GUCY1A2: variants seen among roughly 807,000 people sequenced by gnomAD.
GUCY1A2 encodes guanylate cyclase 1 soluble subunit alpha 2.
A neutral mutation model predicts 63.5 loss-of-function variants in GUCY1A2; 27 were observed. The observed-to-expected ratio is 0.43, with a 90% CI of 0.31 to 0.59. The LOEUF (loss-of-function observed/expected upper bound fraction) is 0.59, where lower values mean the gene tolerates loss of function less well. Among genes scored for constraint, GUCY1A2 ranks in the 20% least tolerant of loss-of-function variants. The probability of loss-of-function intolerance (pLI) is 0.11; values close to 1 mark genes in which losing one functional copy is unlikely to be tolerated. For synonymous variants in GUCY1A2, 364 were observed against 343.5 expected (o/e 1.06, Z -0.66); for missense variants, 768 against 913.3 (o/e 0.84, Z 2.05).
At chr11:106,718,788 A>T (rs1162940196) in intron 6 of GUCY1A2, among the ~76,000 whole-genome samples, 1 of 152,182 alleles carries the variant, frequency 6.6e-6, no homozygotes, top group East Asian at 1.9e-4. Context: ...ATTTAACAAC[A>T]TAGTGACATA....
intron 4 of GUCY1A2, among the ~76,000 whole-genome samples, chr11:106,882,962 A>T (rs1859846467): frequency 1.3e-5 from 2 of 152,032 alleles, no homozygotes; most frequent in Admixed American, 6.6e-5. Flanking sequence ...AACACATGAA[A>T]ATTGAATTTT....
At chr11:106,967,923 A>G (rs1472050373) in intron 3 of GUCY1A2, among the ~76,000 whole-genome samples, 1 of 152,238 alleles carries the variant, frequency 6.6e-6, no homozygotes, top group African/African-American at 2.4e-5. Context: ...ATTCAGAAAT[A>G]GAACTAAAGT....
chr11:106,709,941 A>G (rs1591241352), intron 6 of GUCY1A2, among the ~76,000 whole-genome samples: 1 of 139,638 alleles, frequency 7.2e-6, no homozygotes, highest in Non-Finnish European at 1.5e-5. Flanking sequence ...TATTATATAC[A>G]TGTATATAAC....
chr11:106,795,288 G>A lies in GUCY1A2; in HGVS notation c.1692+14705C>T, dbSNP rs538265127. On this transcript the variant is annotated intron_variant, in intron 5 of 7. Transcript: ENST00000526355. ...GTCCTCATCTGGGCTCTCTCTGATC[G>A]TCAAAGGACCTTATATTAAGCAGAG... is the stretch of plus-strand genomic sequence containing the variant. Among the ~76,000 whole-genome samples, 4 of 152,128 alleles carry A rather than the reference G, an allele frequency of 2.6e-5. No individual in the cohort carries two copies. In the East Asian group the frequency reaches 5.8e-4, roughly 22 times the overall value.
chr11:106,714,661 C>G (rs1159422387), intron 6 of GUCY1A2, among the ~76,000 whole-genome samples: 1 of 152,194 alleles, frequency 6.6e-6, no homozygotes, highest in Non-Finnish European at 1.5e-5. Flanking sequence ...TTACTTTGCA[C>G]TAAACCAATG....
intron 4 of GUCY1A2, among the ~76,000 whole-genome samples, chr11:106,859,927 G>T (rs1450753766): frequency 6.6e-6 from 1 of 151,772 alleles, no homozygotes; most frequent in African/African-American, 2.4e-5. Flanking sequence ...GCACAATGAT[G>T]AAATCACCTA....
At chr11:106,729,228 G>T (rs1337863593) in intron 6 of GUCY1A2, among the ~76,000 whole-genome samples, 8 of 152,036 alleles carry the variant, frequency 5.3e-5, no homozygotes, top group Admixed American at 3.3e-4. Flanking sequence ...GAAGATATGG[G>T]GATTGAAGCT....
chr11:106,803,203 G>T (rs2135420125), intron 5 of GUCY1A2, among the ~76,000 whole-genome samples: 1 of 152,270 alleles, frequency 6.6e-6, no homozygotes, highest in African/African-American at 2.4e-5. Context: ...CAGTTTCATA[G>T]TATTGGTCAC....
At chr11:106,865,594 G>A (rs1365161812) in intron 4 of GUCY1A2, among the ~76,000 whole-genome samples, 3 of 151,906 alleles carry the variant, frequency 2.0e-5, no homozygotes, top group Non-Finnish European at 2.9e-5. Context: ...AGTGGGAGTT[G>A]AACAATAAGA....
intron 4 of GUCY1A2, among the ~76,000 whole-genome samples, chr11:106,906,960 A>G (rs77502340): frequency 0.012 from 1,872 of 152,256 alleles, 37 homozygotes; most frequent in African/African-American, 0.043. Context: ...GGGGAGGGAT[A>G]GCATTAGGAG....
At chr11:106,744,945 T>C (rs910995213) in intron 6 of GUCY1A2, among the ~76,000 whole-genome samples, 7 of 152,204 alleles carry the variant, frequency 4.6e-5, no homozygotes, top group Non-Finnish European at 1.0e-4. Flanking sequence ...TCATCAAATA[T>C]TTTGAATTTT....
intron 1 of GUCY1A2, among the ~76,000 whole-genome samples, chr11:107,002,637 A>T (rs1861625434): frequency 6.6e-6 from 1 of 152,184 alleles, no homozygotes; most frequent in Non-Finnish European, 1.5e-5. Context: ...AGTGGATTAT[A>T]CAAATGAAAT....
At chr11:106,743,808 C>T (rs1863738548) in intron 6 of GUCY1A2, among the ~76,000 whole-genome samples, 1 of 152,116 alleles carries the variant, frequency 6.6e-6, no homozygotes, top group Non-Finnish European at 1.5e-5. Flanking sequence ...CAACCAAAGT[C>T]CTAGGGTAGT....
chr11:106,805,250 T>G (rs1008046737), intron 5 of GUCY1A2, among the ~76,000 whole-genome samples: 2 of 7,188 alleles, frequency 2.8e-4, no homozygotes, highest in African/African-American at 4.5e-4. Flanking sequence ...TCACTAACAT[T>G]TTTTTTTTTT....
At chr11:106,807,759 C>A (rs1858711509) in intron 5 of GUCY1A2, among the ~76,000 whole-genome samples, 1 of 152,168 alleles carries the variant, frequency 6.6e-6, no homozygotes, top group Non-Finnish European at 1.5e-5. Context: ...TAATCAGCTG[C>A]CAGCGTGACT....
intron 3 of GUCY1A2, among the ~76,000 whole-genome samples, chr11:106,973,052 TCTAA>T (rs1457359956): frequency 6.6e-6 from 1 of 152,104 alleles, no homozygotes; most frequent in East Asian, 1.9e-4. Flanking sequence ...ATCTACTGTA[TCTAA>T]CTATCTCAGG....
intron 4 of GUCY1A2, among the ~76,000 whole-genome samples, chr11:106,822,281 C>G (rs992066162): frequency 6.6e-6 from 1 of 152,052 alleles, no homozygotes; most frequent in African/African-American, 2.4e-5. Flanking sequence ...CTTTGCTTTG[C>G]TAAATATTAA....
At chr11:106,935,264 G>A (rs1192118442) in intron 4 of GUCY1A2, among the ~76,000 whole-genome samples, 3 of 152,078 alleles carry the variant, frequency 2.0e-5, no homozygotes, top group African/African-American at 4.8e-5. Context: ...GAATAAATAC[G>A]GAGACTGTTA....
At chr11:106,717,218 T>C (rs1863231887) in intron 6 of GUCY1A2, among the ~76,000 whole-genome samples, 1 of 152,228 alleles carries the variant, frequency 6.6e-6, no homozygotes, top group South Asian at 2.1e-4. Flanking sequence ...TTCAGCTACC[T>C]CTGTGAAGTT....
Sources: allele counts gnomAD v4.1 joint callset (sites outside exome capture counted in the v4.1 genomes callset), GRCh38; gene constraint gnomAD v4.1.1; transcripts MANE v1.5; gene names NCBI Gene and HGNC (gene_info 2026-07-23, HGNC 2026-07-21).